The following CCDC30 variants were observed in gnomAD, a reference collection of about 807,000 sequenced individuals.
The protein encoded by CCDC30 is coiled-coil domain-containing protein 30.
CCDC30 carries 70 observed loss-of-function variants against 100.2 expected under a neutral mutation model. That is an observed-to-expected ratio of 0.70 (90% CI 0.58 to 0.85). The LOEUF is 0.85. Among genes scored for constraint, CCDC30 ranks in the 40% least tolerant of loss-of-function variants. CCDC30 has a pLI of 0.00. For synonymous variants in CCDC30, 233 were observed against 269.5 expected, an observed-to-expected ratio of 0.86 and a Z score of 1.33; for missense variants, 652 against 771.2, an observed-to-expected ratio of 0.85 and a Z score of 1.83.
chr1:42,654,712 C>CCTTT (rs1557503555), downstream of CCDC30: 1 of 133,262 alleles, frequency 7.5e-6, no homozygotes, highest in Non-Finnish European at 1.6e-5. Flanking sequence ...ATACCATAAG[C>CCTTT]TTTTTTTTTT....
the CCDC30 span, chr1:42,456,230 A>C: frequency 6.9e-5 from 42 of 608,064 alleles, no homozygotes; most frequent in South Asian, 8.1e-4. Context: ...CCGAGAAACG[A>C]CTCCCAAGGA....
At chr1:42,467,275 G>C (rs1643619998) in intron 1 of CCDC30, among the ~76,000 whole-genome samples, 1 of 152,222 alleles carries the variant, frequency 6.6e-6, no homozygotes, top group African/African-American at 2.4e-5. Context: ...CTGGAGTTTT[G>C]CTGAGAATGG....
chr1:42,589,434 A>C (rs1209113316), exon 10 of CCDC30: 1 of 1,613,972 alleles, frequency 6.2e-7, no homozygotes, highest in Admixed American at 1.7e-5. Flanking sequence ...ATTCAGCAAC[A>C]AGAGGCCCTA....
At chr1:42,569,038 C>T (rs770177902) in intron 7 of CCDC30, 3 of 151,966 alleles carry the variant, frequency 2.0e-5, no homozygotes, top group Non-Finnish European at 4.4e-5. Context: ...AACACATGCT[C>T]ACTTTAGCAG....
At chr1:42,481,613 A>G (rs4442399) in intron 2 of CCDC30, among the ~76,000 whole-genome samples, 29,831 of 149,768 alleles carry the variant, frequency 0.2, 3,271 homozygotes, top group South Asian at 0.42. Flanking sequence ...CCTTGGGACT[A>G]TACATATTTT....
intron 11 of CCDC30, among the ~76,000 whole-genome samples, chr1:42,619,624 A>G (rs1646792473): frequency 6.6e-6 from 1 of 152,102 alleles, no homozygotes; most frequent in Non-Finnish European, 1.5e-5. Context: ...TGTTATATAG[A>G]TGAAACCTCA....
intron 4 of CCDC30, 96 bp from the exon 5 acceptor site, chr1:42,497,002 G>C: frequency 5.9e-6 from 3 of 506,744 alleles, no homozygotes; most frequent in East Asian, 3.5e-5. Context: ...TGACAAGAAG[G>C]GCAGGCTAAA....
intron 6 of CCDC30, among the ~76,000 whole-genome samples, chr1:42,529,991 C>T (rs370980993): frequency 6.6e-6 from 1 of 152,200 alleles, no homozygotes; most frequent in East Asian, 1.9e-4. Context: ...CTTACACTGT[C>T]CTGCTGGGAT....
intron 4 of CCDC30, among the ~76,000 whole-genome samples, chr1:42,495,333 A>G (rs1272518304): frequency 6.6e-6 from 1 of 151,932 alleles, no homozygotes; most frequent in Non-Finnish European, 1.5e-5. Flanking sequence ...AGGAAGGGGA[A>G]CATGACACTC....
chr1:42,558,000 G>GT (rs1645408247), intron 6 of CCDC30: 1 of 168,846 alleles, frequency 5.9e-6, no homozygotes, highest in African/African-American at 2.4e-5. Context: ...CTGATTGAGT[G>GT]TTTATGCTCT....
intron 12 of CCDC30, among the ~76,000 whole-genome samples, chr1:42,641,215 T>TTGTGTGTGTGTG (rs71065188): frequency 1.1e-4 from 14 of 132,444 alleles, no homozygotes; most frequent in South Asian, 5.3e-4. Flanking sequence ...CACATGGCTT[T>TTGTGTGTGTGTG]TGTGTGTGTG....
intron 4 of CCDC30, among the ~76,000 whole-genome samples, chr1:42,493,949 C>A (rs1282935057): frequency 6.6e-6 from 1 of 152,194 alleles, no homozygotes; most frequent in Non-Finnish European, 1.5e-5. Flanking sequence ...CATCGTGGCT[C>A]ATGCCTGTAA....
chr1:42,526,983 G>T (rs575864134), intron 6 of CCDC30, among the ~76,000 whole-genome samples: 1 of 151,906 alleles, frequency 6.6e-6, no homozygotes, highest in African/African-American at 2.4e-5. Flanking sequence ...GTTTTTTTGC[G>T]TGTGTTCACC....
intron 6 of CCDC30, chr1:42,500,311 A>G: frequency 1.9e-6 from 3 of 1,609,742 alleles, no homozygotes; most frequent in Admixed American, 1.7e-5. Context: ...GAATTTCTCC[A>G]TCTCAGCCAT....
intron 9 of CCDC30, among the ~76,000 whole-genome samples, chr1:42,585,360 A>G (rs1646047385): frequency 1.3e-5 from 2 of 152,118 alleles, no homozygotes; most frequent in Admixed American, 1.3e-4. Context: ...TCAGCCTCCC[A>G]AAGTGCTGGG....
intron 1 of CCDC30, among the ~76,000 whole-genome samples, chr1:42,472,414 A>G (rs1174202427): frequency 1.3e-5 from 2 of 152,224 alleles, no homozygotes; most frequent in African/African-American, 2.4e-5. Context: ...AAGAAGTTGC[A>G]GAAAAGAACT....
At chr1:42,650,609 C>G (rs1362792814) in intron 15 of CCDC30, among the ~76,000 whole-genome samples, 1 of 149,930 alleles carries the variant, frequency 6.7e-6, no homozygotes, top group Non-Finnish European at 1.5e-5. Context: ...CAAAATGAAA[C>G]AGCATAGAGA....
rs187189332 is a variant in CCDC30, at chr1:42,484,700, T to C, written c.169+1884T>C. Among the ~76,000 whole-genome samples, 55 of 152,352 alleles carry C rather than the reference T, an allele frequency of 3.6e-4. No individual in the cohort carries two copies. In the East Asian group the frequency reaches 9.3e-3, roughly 26 times the overall value. On this transcript the variant is annotated intron_variant, in intron 3 of 16. Transcript: ENST00000668663. ...GTGTTATATGACAGTGTTTCCCAAG[T>C]ATTAGCTTGTTTCTTTCAACAAACT...
intron 6 of CCDC30, among the ~76,000 whole-genome samples, chr1:42,502,235 T>TGGGCGTGGGACCCTCCGAGCC (rs924969955): frequency 6.7e-6 from 1 of 149,590 alleles, no homozygotes; most frequent in Non-Finnish European, 1.5e-5. Context: ...CAAGGCTCCA[T>TGGGCGTGGGACCCTCCGAGCC]GGGCGTGGGA....
Sources: allele counts gnomAD v4.1 joint callset (sites outside exome capture counted in the v4.1 genomes callset), GRCh38; gene constraint gnomAD v4.1.1; transcripts MANE v1.5; gene names NCBI Gene and HGNC (gene_info 2026-07-23, HGNC 2026-07-21).